Variants in DACH1 observed in about 807,000 individuals in gnomAD.
DACH1 encodes dachshund homolog 1.
DACH1 carries 12 observed loss-of-function variants against 54.2 expected under a neutral mutation model. That is an observed-to-expected ratio of 0.22 (90% CI 0.14 to 0.36). The LOEUF (loss-of-function observed/expected upper bound fraction) is 0.36. Among genes scored for constraint, DACH1 ranks in the 10% least tolerant of loss-of-function variants. DACH1 has a pLI of 1.00. For synonymous variants in DACH1, 386 were observed against 366.2 expected, an observed-to-expected ratio of 1.05 and a Z score of -0.62; for missense variants, 805 against 929.8, an observed-to-expected ratio of 0.87 and a Z score of 1.75.
chr13:71,566,864 A>G (rs1479032761), intron 4 of DACH1, among the ~76,000 whole-genome samples: 1 of 152,138 alleles, frequency 6.6e-6, no homozygotes, highest in African/African-American at 2.4e-5. Flanking sequence ...ACACTTGGAG[A>G]TTTTTATGTT....
In DACH1 at chr13:71,489,063, A is replaced by T; in HGVS notation, c.1656T>A (p.Gly552=). The change falls in exon 7 of 11, where the codon GGT becomes GGA. Residue 552 remains glycine, a synonymous_variant. Coordinates refer to ENST00000613252, the MANE Select transcript of DACH1 (RefSeq NM_080759.6). Reference sequence around the variant, plus strand: ...CAGGAAACAGAAAAGGAGATGGAAAACCTGGAGGCAGTGGTTGTCCATGCC... The same window carrying T: ...CAGGAAACAGAAAAGGAGATGGAAATCCTGGAGGCAGTGGTTGTCCATGCC... The part of the protein sequence containing the change: ...LTGHGQPLPP[G]FPSPFLFPDG... The T allele has an allele frequency of 6.2e-7, 1 of 1,613,860 alleles. No individual in the cohort carries two copies. The highest frequency in any genetic ancestry group is 1.3e-5 in the African/African-American group (1 of 75,000).
In DACH1 at chr13:71,866,311, ACTG is replaced by A. The variant is rs751513415; in HGVS notation, c.456_458del (p.Ser163del). On this transcript the variant is annotated inframe_deletion, in exon 1 of 11. Transcript: ENST00000613252. ...TGCTGCTACTGCTGCTGCTGCTACT[ACTG>A]CTGCTGCTGCTGCTGCTGCTACTGC... 5.6e-4 allele frequency: 850 copies of A among 1,520,716 alleles called. No homozygotes were observed. The highest frequency in any genetic ancestry group is 9.2e-4 in the Admixed American group (46 of 50,238). The allele number at this position is 1,520,716 out of a possible 1,614,324, so 94.2% of individuals were successfully genotyped here. A position where few individuals can be genotyped will look rare whatever the true frequency, so the allele number is the denominator to read the frequency against.
chr13:71,679,805 A>T (rs1417103516), intron 2 of DACH1, among the ~76,000 whole-genome samples: 1 of 152,074 alleles, frequency 6.6e-6, no homozygotes, highest in African/African-American at 2.4e-5. Flanking sequence ...CAACATGGTG[A>T]AACTCCGTCT....
At chr13:71,568,945 T>C (rs1481154605) in intron 4 of DACH1, among the ~76,000 whole-genome samples, 1 of 152,070 alleles carries the variant, frequency 6.6e-6, no homozygotes. Context: ...GAATTTCAAT[T>C]AGACCTATTA....
At chr13:71,860,959 C>CA (rs1242894531) in intron 1 of DACH1, among the ~76,000 whole-genome samples, 1 of 151,878 alleles carries the variant, frequency 6.6e-6, no homozygotes, top group Non-Finnish European at 1.5e-5. Context: ...GCTGGTGAAT[C>CA]ACACGTAGTA....
At chr13:71,529,660 T>A (rs1882282058) in intron 6 of DACH1, among the ~76,000 whole-genome samples, 1 of 152,226 alleles carries the variant, frequency 6.6e-6, no homozygotes, top group Non-Finnish European at 1.5e-5. Context: ...TATAATTTTG[T>A]CAAATGGAAT....
chr13:71,650,655 A>C (rs1405194826), intron 2 of DACH1, among the ~76,000 whole-genome samples: 1 of 152,120 alleles, frequency 6.6e-6, no homozygotes, highest in African/African-American at 2.4e-5. Context: ...TAAAACAGAA[A>C]ATCAGGGATT....
intron 6 of DACH1, among the ~76,000 whole-genome samples, chr13:71,493,906 A>C (rs1365796621): frequency 1.3e-5 from 2 of 152,190 alleles, no homozygotes; most frequent in Non-Finnish European, 2.9e-5. Flanking sequence ...TCATACAAGT[A>C]AAATTTCAGA....
At chr13:71,709,047 G>A (rs538275025) in intron 1 of DACH1, among the ~76,000 whole-genome samples, 3 of 151,718 alleles carry the variant, frequency 2.0e-5, no homozygotes, top group Non-Finnish European at 4.4e-5. Context: ...TAGAGACGGG[G>A]TTTCACCATG....
intron 1 of DACH1, among the ~76,000 whole-genome samples, chr13:71,718,352 A>G (rs1883077729): frequency 6.6e-6 from 1 of 152,078 alleles, no homozygotes; most frequent in African/African-American, 2.4e-5. Context: ...TGGGAGGCCC[A>G]GGCAGAAGGA....
intron 2 of DACH1, among the ~76,000 whole-genome samples, chr13:71,674,524 C>T (rs548006665): frequency 3.3e-5 from 5 of 151,784 alleles, no homozygotes; most frequent in African/African-American, 9.7e-5. Flanking sequence ...TGGAGCCAGG[C>T]AGCCACAAAA....
At chr13:71,658,477 G>A (rs1393243544) in intron 2 of DACH1, among the ~76,000 whole-genome samples, 1 of 152,102 alleles carries the variant, frequency 6.6e-6, no homozygotes, top group Admixed American at 6.5e-5. Context: ...TTGAACCCGG[G>A]AGGCTGAGGT....
intron 1 of DACH1, among the ~76,000 whole-genome samples, chr13:71,690,071 A>G (rs1007379722): frequency 6.6e-6 from 1 of 152,280 alleles, no homozygotes; most frequent in Non-Finnish European, 1.5e-5. Flanking sequence ...TCTTGCCTCA[A>G]CTGGAATTCT....
chr13:71,507,718 G>A (rs933076983), intron 6 of DACH1, among the ~76,000 whole-genome samples: 2 of 152,088 alleles, frequency 1.3e-5, no homozygotes, highest in Non-Finnish European at 2.9e-5. Context: ...CAGAATGAAA[G>A]ATAATCAGGA....
intron 1 of DACH1, among the ~76,000 whole-genome samples, chr13:71,770,218 C>T (rs992714724): frequency 1.3e-5 from 2 of 151,648 alleles, no homozygotes; most frequent in Non-Finnish European, 3.0e-5. Flanking sequence ...TGCCTTCGTA[C>T]GTTTTCTCTA....
At chr13:71,816,832 T>C (rs1021734225) in intron 1 of DACH1, among the ~76,000 whole-genome samples, 2 of 151,944 alleles carry the variant, frequency 1.3e-5, no homozygotes, top group Non-Finnish European at 2.9e-5. Flanking sequence ...ATACCACATG[T>C]TCTCACTTAT....
At chr13:71,823,525 A>T (rs1244123810) in intron 1 of DACH1, among the ~76,000 whole-genome samples, 1 of 152,100 alleles carries the variant, frequency 6.6e-6, no homozygotes, top group East Asian at 1.9e-4. Flanking sequence ...CCAAATCATC[A>T]TATAATGAAG....
intron 1 of DACH1, among the ~76,000 whole-genome samples, chr13:71,705,125 T>C (rs1175649409): frequency 6.6e-6 from 1 of 152,208 alleles, no homozygotes; most frequent in Non-Finnish European, 1.5e-5. Context: ...TGTTTGGAGA[T>C]AATGCTGTTC....
intron 1 of DACH1, among the ~76,000 whole-genome samples, chr13:71,722,829 T>C (rs1594137331): frequency 1.3e-5 from 2 of 152,208 alleles, no homozygotes; most frequent in Middle Eastern, 3.4e-3. Flanking sequence ...TTCAATATAC[T>C]ATTCGTGGCT....
Sources: allele counts gnomAD v4.1 joint callset (sites outside exome capture counted in the v4.1 genomes callset), GRCh38; gene constraint gnomAD v4.1.1; transcripts MANE v1.5; gene names NCBI Gene and HGNC (gene_info 2026-07-23, HGNC 2026-07-21).